Variants in PTPRJ observed in about 807,000 individuals in gnomAD.
The protein encoded by PTPRJ is receptor-type tyrosine-protein phosphatase eta.
In PTPRJ, 129 loss-of-function variants were observed where a neutral mutation model predicts 141.3. That is an observed-to-expected ratio of 0.91 (90% CI 0.79 to 1.06). PTPRJ has a LOEUF of 1.06. PTPRJ is among the 50% of genes least tolerant of loss of function. The probability of loss-of-function intolerance (pLI) is 0.00; values close to 1 mark genes in which losing one functional copy is unlikely to be tolerated. For synonymous variants in PTPRJ, 610 were observed against 640.5 expected, an observed-to-expected ratio of 0.95 and a Z score of 0.72; for missense variants, 1,601 against 1,679.7, an observed-to-expected ratio of 0.95 and a Z score of 0.82.
chr11:48,156,046 A>G lies in PTPRJ; in HGVS notation c.3365A>G (p.Asp1122Gly), dbSNP rs1857591446. ...TQGPLPNTLK[D>G]FWRMVWEKNV... ...GGACCTTTACCGAACACTTTGAAAG[A>G]TTTTTGGCGTATGGTTTGGGAGAAA... Residue 1122 changes from aspartate (D) to glycine (G), a missense_variant, in exon 21 of 25, where the codon GAT becomes GGT. Physicochemically the swap from Asp to Gly is moderately conservative, Grantham distance 94 (BLOSUM62 -1). Coordinates refer to ENST00000418331, the MANE Select transcript of PTPRJ (RefSeq NM_002843.4). The G allele has an allele frequency of 6.2e-7, 1 of 1,603,404 alleles. No homozygotes were observed. Among genetic ancestry groups the G allele is most frequent in the Non-Finnish European group, 8.5e-7 (1 of 1,170,342 alleles).
chr11:48,147,122 G>A (rs571249761), intron 15 of PTPRJ, among the ~76,000 whole-genome samples, 159 bp downstream of exon 15: 14 of 152,220 alleles, frequency 9.2e-5, no homozygotes, highest in Admixed American at 3.9e-4. Context: ...TTTCCTCTGC[G>A]CCCCCAGCTG....
At chr11:48,114,877 A>G (rs1379425407) in intron 3 of PTPRJ, among the ~76,000 whole-genome samples, 4 of 152,252 alleles carry the variant, frequency 2.6e-5, no homozygotes. Context: ...AGAAGCAAAC[A>G]GAAATTCTGA....
chr11:48,120,839 A>G (rs950813804), intron 3 of PTPRJ, among the ~76,000 whole-genome samples, 164 bp from the exon 4 acceptor site: 6 of 152,188 alleles, frequency 3.9e-5, no homozygotes, highest in South Asian at 2.1e-4. Flanking sequence ...ACATGTATGC[A>G]TATGGATTTA....
chr11:48,062,430 G>A (rs760609716), intron 1 of PTPRJ, among the ~76,000 whole-genome samples: 54 of 151,856 alleles, frequency 3.6e-4, no homozygotes, highest in Non-Finnish European at 6.9e-4. Context: ...GGAGAATGGC[G>A]TGAACCCAGG....
intron 1 of PTPRJ, among the ~76,000 whole-genome samples, chr11:48,102,416 T>G (rs1270997833): frequency 6.6e-6 from 1 of 150,784 alleles, no homozygotes; most frequent in African/African-American, 2.4e-5. Flanking sequence ...TCTCCCTAAT[T>G]TTTTTTTTTG....
intron 8 of PTPRJ, chr11:48,131,863 TA>T: frequency 4.1e-6 from 1 of 241,266 alleles, no homozygotes; most frequent in Middle Eastern, 1.2e-3. Flanking sequence ...ATAACAATAC[TA>T]AAATGTTATT....
intron 1 of PTPRJ, among the ~76,000 whole-genome samples, chr11:48,090,245 C>T (rs1181682755): frequency 6.6e-6 from 1 of 152,158 alleles, no homozygotes. Context: ...GGCTCACAGC[C>T]CCAGGCGCCC....
At chr11:48,072,026 C>T (rs1855273248) in intron 1 of PTPRJ, among the ~76,000 whole-genome samples, 1 of 151,560 alleles carries the variant, frequency 6.6e-6, no homozygotes, top group African/African-American at 2.4e-5. Context: ...CTGCTTCAGC[C>T]TTTTGAGTAC....
chr11:48,046,174 G>A (rs532705779), intron 1 of PTPRJ: 1 of 152,204 alleles, frequency 6.6e-6, no homozygotes, highest in East Asian at 1.9e-4. Flanking sequence ...AGCCTCCCGA[G>A]TAGCTGGGAC....
chr11:48,053,121 TATATATAA>T lies in PTPRJ; in HGVS notation c.97-56919_97-56912del, dbSNP rs1279271573. Among the ~76,000 whole-genome samples the T allele has an allele frequency of 3.6e-3, 425 of 119,148 alleles. 4 individuals carry two copies. Among genetic ancestry groups the T allele is most frequent in the African/African-American group, 0.011 (347 of 31,048 alleles). 78.2% of individuals were successfully genotyped at this position (119,148 alleles called of 152,430 possible). ...TTTATATAATATATATAAAATATATTATATATAAATATATAAATATATAAAAATAAATA... is the reference window on the plus strand; with the variant it reads ...TTTATATAATATATATAAAATATATTATATATAAATATATAAAAATAAATA... On this transcript the variant is annotated intron_variant, in intron 1 of 24. Transcript: ENST00000418331.
chr11:47,992,181 T>TG lies in PTPRJ; in HGVS notation c.96+11173_96+11174insG, dbSNP rs576713595. On this transcript the variant is annotated intron_variant, in intron 1 of 24. Coordinates refer to ENST00000418331, the MANE Select transcript of PTPRJ (RefSeq NM_002843.4). ...CATAGTATAGGCCACCTCTTTTTTT[T>TG]TTTGTTTTTTAAGACATAGTCTCGC... 2.0e-4 allele frequency among the ~76,000 whole-genome samples: 30 copies of TG among 152,268 alleles called. No individual in the cohort carries two copies. In the East Asian group the frequency reaches 2.7e-3, roughly 14 times the overall value.
At chr11:48,050,748 ACT>A (rs1854544763) in intron 1 of PTPRJ, among the ~76,000 whole-genome samples, 1 of 151,984 alleles carries the variant, frequency 6.6e-6, no homozygotes, top group African/African-American at 2.4e-5. Context: ...AAATTAGATA[ACT>A]CTGTTGCATG....
intron 19 of PTPRJ, among the ~76,000 whole-genome samples, chr11:48,155,001 G>A (rs1857568120): frequency 6.6e-6 from 1 of 152,256 alleles, no homozygotes; most frequent in East Asian, 1.9e-4. Context: ...AGAGGAGGGT[G>A]AGGTAGTACA....
At chr11:48,115,740 G>A (rs1219826465) in intron 3 of PTPRJ, among the ~76,000 whole-genome samples, 1 of 152,128 alleles carries the variant, frequency 6.6e-6, no homozygotes, top group Non-Finnish European at 1.5e-5. Context: ...TTGCAGGGGG[G>A]ATATGCAATA....
chr11:48,050,341 A>T (rs930659226), intron 1 of PTPRJ, among the ~76,000 whole-genome samples: 3 of 152,058 alleles, frequency 2.0e-5, no homozygotes, highest in Non-Finnish European at 4.4e-5. Flanking sequence ...CCACATATGC[A>T]CGGCCTCCCC....
In PTPRJ at chr11:48,158,594, T is replaced by C. The variant is rs1857671027; in HGVS notation, c.3439-1336T>C. 6.6e-6 allele frequency among the ~76,000 whole-genome samples: 1 copy of C among 152,128 alleles called. No homozygotes were observed. Among genetic ancestry groups the C allele is most frequent in the Non-Finnish European group, 1.5e-5 (1 of 68,018 alleles). ...GGTTGTTTCTTTGGAACCTGGGTCT[T>C]TAAAGAAATACAGATCCCGCAGCCA... On this transcript the variant is annotated intron_variant, in intron 21 of 24. Coordinates refer to ENST00000418331, the MANE Select transcript of PTPRJ (RefSeq NM_002843.4). This position sits in a 1 kb window ranked among gnomAD's most constrained non-coding sequence, Gnocchi z 4.4.
intron 1 of PTPRJ, among the ~76,000 whole-genome samples, chr11:47,993,510 G>A (rs1233292354): frequency 6.6e-6 from 1 of 151,878 alleles, no homozygotes; most frequent in Non-Finnish European, 1.5e-5. Flanking sequence ...CCAGGCTGGT[G>A]TTGAACTCCC....
At chr11:48,034,812 T>C (rs1011595908) in intron 1 of PTPRJ, among the ~76,000 whole-genome samples, 30 of 152,216 alleles carry the variant, frequency 2.0e-4, no homozygotes, top group African/African-American at 5.8e-4. Flanking sequence ...CCCATCAATC[T>C]CTACTGAAGA....
intron 3 of PTPRJ, among the ~76,000 whole-genome samples, chr11:48,114,627 A>C (rs1016841948): frequency 1.3e-5 from 2 of 152,078 alleles, no homozygotes; most frequent in Non-Finnish European, 2.9e-5. Flanking sequence ...ACTTCTTCAA[A>C]TATACAGACA....
Sources: gnomAD v4.1 joint callset for allele counts (sites outside exome capture counted in the v4.1 genomes callset) on GRCh38, gnomAD v4.1.1 for gene constraint, Gnocchi (gnomAD v3.1) non-coding constraint, MANE v1.5 for transcripts, NCBI Gene and HGNC (gene_info 2026-07-23, HGNC 2026-07-21) for gene names.